The following ZNF804B variants were observed in gnomAD, a reference collection of about 807,000 sequenced individuals.
ZNF804B encodes zinc finger 804B.
A neutral mutation model predicts 101.4 loss-of-function variants in ZNF804B; 80 were observed. The ratio of observed to expected loss-of-function variants is 0.79; its 90% confidence interval spans 0.66 to 0.95. The LOEUF is 0.95. Ranked by LOEUF, ZNF804B falls within the 40% of genes least tolerant of loss-of-function variation. ZNF804B has a pLI of 0.00. For synonymous variants in ZNF804B, 622 were observed against 558.8 expected (o/e 1.11, Z -1.59); for missense variants, 1,673 against 1,561.9 (o/e 1.07, Z -1.20).
At chr7:89,103,011 C>G (rs10273169) in intron 1 of ZNF804B, among the ~76,000 whole-genome samples, 1 of 66,806 alleles carries the variant, frequency 1.5e-5, no homozygotes, top group Non-Finnish European at 3.2e-5. Flanking sequence ...GGTTTTATTT[C>G]TGGGTTCTCT....
intron 1 of ZNF804B, among the ~76,000 whole-genome samples, chr7:88,985,164 A>G (rs1793742170): frequency 6.6e-6 from 1 of 151,856 alleles, no homozygotes; most frequent in Non-Finnish European, 1.5e-5. Context: ...TATATGAATT[A>G]ATGGATGAAT....
intron 1 of ZNF804B, among the ~76,000 whole-genome samples, chr7:88,965,392 C>G (rs1222198557): frequency 2.0e-5 from 3 of 151,350 alleles, no homozygotes; most frequent in Admixed American, 1.3e-4. Context: ...CTTTGTAAGT[C>G]CATGCGTAGA....
chr7:89,220,022 C>CGT lies in ZNF804B; in HGVS notation c.249+1727_249+1728insGT, dbSNP rs1562920241. On this transcript the variant is annotated intron_variant, in intron 2 of 3. Transcript: ENST00000333190. Reference sequence around the variant, plus strand: ...GTATATGCACATATATGTGTGTATACATATATATACGCACATATATGTGCA... The same window carrying CGT: ...GTATATGCACATATATGTGTGTATACGTATATATATACGCACATATATGTGCA... Among the ~76,000 whole-genome samples the CGT allele has an allele frequency of 8.5e-3, 282 of 33,106 alleles. 22 individuals are homozygous for CGT. Among genetic ancestry groups the CGT allele is most frequent in the Non-Finnish European group, 0.013 (194 of 14,814 alleles). The allele number at this position is 33,106 out of a possible 152,430, so 21.7% of individuals were successfully genotyped here.
At chr7:89,319,849 A>T (rs1790792823) in intron 2 of ZNF804B, among the ~76,000 whole-genome samples, 1 of 152,210 alleles carries the variant, frequency 6.6e-6, no homozygotes, top group Non-Finnish European at 1.5e-5. Flanking sequence ...AGATTGAGTT[A>T]GCCCAACACT....
intron 1 of ZNF804B, among the ~76,000 whole-genome samples, chr7:88,861,545 A>G (rs1156991404): frequency 1.3e-5 from 2 of 152,190 alleles, no homozygotes; most frequent in Non-Finnish European, 2.9e-5. Flanking sequence ...ATGGGAAACT[A>G]CTACATATTT....
At chr7:89,053,935 C>G (rs1176130013) in intron 1 of ZNF804B, among the ~76,000 whole-genome samples, 1 of 151,980 alleles carries the variant, frequency 6.6e-6, no homozygotes, top group Non-Finnish European at 1.5e-5. Context: ...CAGGTTTTGT[C>G]TATGTTGAAG....
chr7:89,095,278 T>TG (rs1789955865), intron 1 of ZNF804B, among the ~76,000 whole-genome samples: 9 of 152,190 alleles, frequency 5.9e-5, no homozygotes, highest in African/African-American at 1.7e-4. Flanking sequence ...CAAAATGCCA[T>TG]CTTGGAAGCA....
intron 2 of ZNF804B, among the ~76,000 whole-genome samples, chr7:89,304,055 T>C (rs1288980163): frequency 6.6e-6 from 1 of 151,944 alleles, no homozygotes; most frequent in Non-Finnish European, 1.5e-5. Flanking sequence ...TTTAGAGCAC[T>C]TTTTAATGAA....
At chr7:89,202,216 G>C (rs1311311208) in intron 1 of ZNF804B, among the ~76,000 whole-genome samples, 1 of 152,060 alleles carries the variant, frequency 6.6e-6, no homozygotes, top group African/African-American at 2.4e-5. Flanking sequence ...TTTTAGGTGT[G>C]AATTCTTTTA....
chr7:88,957,312 T>C (rs556190083), intron 1 of ZNF804B, among the ~76,000 whole-genome samples: 35 of 151,548 alleles, frequency 2.3e-4, no homozygotes, highest in African/African-American at 7.0e-4. Flanking sequence ...AAACCTTGGA[T>C]TGACAACCAT....
chr7:88,834,610 T>G (rs910864244), intron 1 of ZNF804B, among the ~76,000 whole-genome samples: 2 of 151,404 alleles, frequency 1.3e-5, no homozygotes, highest in South Asian at 4.1e-4. Context: ...TATTATGGGT[T>G]TTTATATTTG....
At chr7:89,271,211 A>C (rs552528961) in intron 2 of ZNF804B, among the ~76,000 whole-genome samples, 1 of 152,064 alleles carries the variant, frequency 6.6e-6, no homozygotes, top group African/African-American at 2.4e-5. Flanking sequence ...GTTTGTCATA[A>C]ATAGCTCTTA....
chr7:88,770,530 A>G (rs1484732835), intron 1 of ZNF804B, among the ~76,000 whole-genome samples: 1 of 152,216 alleles, frequency 6.6e-6, no homozygotes, highest in Non-Finnish European at 1.5e-5. Context: ...CTAGAGGACT[A>G]TAAGATAATA....
intron 1 of ZNF804B, among the ~76,000 whole-genome samples, chr7:89,079,845 T>C (rs753447606): frequency 2.6e-5 from 4 of 151,870 alleles, no homozygotes; most frequent in Admixed American, 6.6e-5. Flanking sequence ...ATGAGATCAA[T>C]ACTGGTATAT....
intron 1 of ZNF804B, among the ~76,000 whole-genome samples, chr7:89,171,288 G>T (rs2708623): frequency 0.13 from 10,453 of 81,612 alleles, 704 homozygotes; most frequent in Non-Finnish European, 0.14. Context: ...TGCTGCTGCT[G>T]CTTCTTCTTC....
chr7:88,788,142 C>T (rs569259938), intron 1 of ZNF804B, among the ~76,000 whole-genome samples: 1 of 151,978 alleles, frequency 6.6e-6, no homozygotes, highest in Non-Finnish European at 1.5e-5. Context: ...GGTGCAGATG[C>T]CTGTGGGGTT....
At chr7:88,949,876 G>T (rs914125839) in intron 1 of ZNF804B, among the ~76,000 whole-genome samples, 7 of 151,994 alleles carry the variant, frequency 4.6e-5, no homozygotes, top group Admixed American at 1.3e-4. Flanking sequence ...GCCTAGGAGC[G>T]GTAGGCTATA....
At chr7:89,097,422 A>G (rs1216590019) in intron 1 of ZNF804B, among the ~76,000 whole-genome samples, 1 of 152,236 alleles carries the variant, frequency 6.6e-6, no homozygotes, top group Non-Finnish European at 1.5e-5. Flanking sequence ...ATGAAAGGCA[A>G]TGAAAACTGA....
chr7:89,162,371 T>G (rs951246376), intron 1 of ZNF804B, among the ~76,000 whole-genome samples: 1 of 152,138 alleles, frequency 6.6e-6, no homozygotes, highest in African/African-American at 2.4e-5. Flanking sequence ...TCCAAATGCA[T>G]TTTATCTGTC....
Sources: gnomAD v4.1 joint callset for allele counts (sites outside exome capture counted in the v4.1 genomes callset) on GRCh38, gnomAD v4.1.1 for gene constraint, MANE v1.5 for transcripts, NCBI Gene and HGNC (gene_info 2026-07-23, HGNC 2026-07-21) for gene names.